The following PRKG1 variants were observed in gnomAD, a reference collection of about 807,000 sequenced individuals.
PRKG1 encodes protein kinase cGMP-dependent 1.
PRKG1 carries 35 observed loss-of-function variants against 88.1 expected under a neutral mutation model. That is an observed-to-expected ratio of 0.40 (90% CI 0.30 to 0.53). The LOEUF is 0.53. PRKG1 is among the 20% of genes least tolerant of loss of function. The pLI, the probability that PRKG1 is intolerant of heterozygous loss-of-function variation, is 0.59. For synonymous variants in PRKG1, 303 were observed against 292.5 expected, an observed-to-expected ratio of 1.04 and a Z score of -0.37; for missense variants, 540 against 839.8, an observed-to-expected ratio of 0.64 and a Z score of 4.41.
chr10:51,259,835 C>G (rs753378163), intron 2 of PRKG1, among the ~76,000 whole-genome samples: 2 of 151,902 alleles, frequency 1.3e-5, no homozygotes, highest in Non-Finnish European at 2.9e-5. Flanking sequence ...ATAGCCAGGC[C>G]CCATATGGAG....
chr10:51,126,645 G>A (rs376329176), intron 1 of PRKG1, among the ~76,000 whole-genome samples: 47 of 151,662 alleles, frequency 3.1e-4, no homozygotes, highest in African/African-American at 1.1e-3. Flanking sequence ...ACCCAAAAGA[G>A]CCCATATAGC....
intron 2 of PRKG1, among the ~76,000 whole-genome samples, chr10:51,329,729 T>TTTTG (rs1309939099): frequency 1.1e-4 from 16 of 152,242 alleles, no homozygotes; most frequent in Non-Finnish European, 1.6e-4. Context: ...TTTTTTGTTT[T>TTTTG]TTTGTTTGTT....
intron 3 of PRKG1, among the ~76,000 whole-genome samples, chr10:51,573,817 C>A (rs1195617698): frequency 6.6e-6 from 1 of 151,786 alleles, no homozygotes; most frequent in Non-Finnish European, 1.5e-5. Flanking sequence ...GCACCCGTGC[C>A]AGTTTAAAAG....
At chr10:51,196,546 G>T (rs1238342574) in intron 2 of PRKG1, among the ~76,000 whole-genome samples, 1 of 152,132 alleles carries the variant, frequency 6.6e-6, no homozygotes, top group African/African-American at 2.4e-5. Flanking sequence ...CATGTTAATT[G>T]CTTAGAACAT....
At chr10:51,374,828 C>T (rs74700503) in intron 2 of PRKG1, among the ~76,000 whole-genome samples, 4,050 of 152,278 alleles carry the variant, frequency 0.027, 158 homozygotes, top group African/African-American at 0.089. Flanking sequence ...TGCTTCTAAG[C>T]TCACGTGAGT....
chr10:51,084,178 C>T (rs1331739782), intron 1 of PRKG1, among the ~76,000 whole-genome samples: 4 of 152,094 alleles, frequency 2.6e-5, no homozygotes, highest in Admixed American at 1.3e-4. Flanking sequence ...AAAGTAAACA[C>T]TTTCATTATG....
intron 2 of PRKG1, among the ~76,000 whole-genome samples, chr10:51,195,371 T>G (rs1837736712): frequency 6.6e-6 from 1 of 152,212 alleles, no homozygotes; most frequent in Non-Finnish European, 1.5e-5. Context: ...CAGTTTTCAA[T>G]TTTTTAATTC....
intron 7 of PRKG1, among the ~76,000 whole-genome samples, chr10:52,097,735 G>A (rs921462826): frequency 1.3e-4 from 19 of 148,204 alleles, no homozygotes; most frequent in East Asian, 5.9e-4. Flanking sequence ...ATTATTTTGC[G>A]AATGGTGTGG....
intron 5 of PRKG1, among the ~76,000 whole-genome samples, chr10:52,022,667 G>A (rs1008881329): frequency 1.3e-5 from 2 of 152,070 alleles, no homozygotes; most frequent in African/African-American, 4.8e-5. Context: ...TAGCTCATCT[G>A]AAAATAATAT....
intron 3 of PRKG1, among the ~76,000 whole-genome samples, chr10:51,551,481 G>A (rs1044533064): frequency 6.6e-5 from 10 of 151,752 alleles, no homozygotes; most frequent in Non-Finnish European, 1.0e-4. Context: ...TTCATAAACA[G>A]ATTTTAAGAA....
intron 9 of PRKG1, among the ~76,000 whole-genome samples, chr10:52,227,835 A>C (rs1394323764): frequency 1.3e-5 from 2 of 152,164 alleles, no homozygotes; most frequent in Non-Finnish European, 2.9e-5. Flanking sequence ...ACATGTGCCC[A>C]GTTATATTAT....
chr10:51,430,037 G>A (rs528458318), intron 2 of PRKG1, among the ~76,000 whole-genome samples: 32 of 151,580 alleles, frequency 2.1e-4, no homozygotes, highest in African/African-American at 6.8e-4. Flanking sequence ...ACTCAGAGTG[G>A]AATAGACAGA....
At chr10:51,724,759 A>G (rs1204693804) in intron 3 of PRKG1, among the ~76,000 whole-genome samples, 1 of 151,930 alleles carries the variant, frequency 6.6e-6, no homozygotes, top group Non-Finnish European at 1.5e-5. Flanking sequence ...CGGTGGCACT[A>G]TCACAACTCA....
intron 3 of PRKG1, among the ~76,000 whole-genome samples, chr10:51,599,341 T>C (rs895172004): frequency 6.6e-6 from 1 of 152,144 alleles, no homozygotes; most frequent in Non-Finnish European, 1.5e-5. Flanking sequence ...CAACAAAGAA[T>C]TGACTAATCC....
At position 51,669,029 on chromosome 10, in the gene PRKG1, T is replaced by C. The variant is rs902977855; in HGVS notation, c.593-135556T>C. On this transcript the variant is annotated intron_variant, in intron 3 of 17. Transcript: ENST00000373980. ...ATATATATTTATTTAATCTGAGCTG[T>C]TCACGCTAATTCGCCATCCCAATTT... Among the ~76,000 whole-genome samples the C allele has an allele frequency of 1.1e-4, 16 of 152,346 alleles. No homozygotes were observed. In the East Asian group the frequency reaches 2.9e-3, roughly 28 times the overall value.
chr10:51,725,028 C>G (rs1003681746), intron 3 of PRKG1, among the ~76,000 whole-genome samples: 10 of 151,904 alleles, frequency 6.6e-5, no homozygotes, highest in African/African-American at 2.2e-4. Context: ...GTTTTAATGA[C>G]TGGAAAAAAT....
At chr10:51,952,721 A>T (rs1177424899) in intron 5 of PRKG1, among the ~76,000 whole-genome samples, 1 of 152,176 alleles carries the variant, frequency 6.6e-6, no homozygotes, top group Non-Finnish European at 1.5e-5. Flanking sequence ...GGACATGAAT[A>T]TGAGTTCCAA....
At chr10:52,087,492 A>G (rs1846945909) in intron 7 of PRKG1, among the ~76,000 whole-genome samples, 1 of 152,048 alleles carries the variant, frequency 6.6e-6, no homozygotes, top group African/African-American at 2.4e-5. Flanking sequence ...TTCCTCATGC[A>G]CAAATTTGTT....
chr10:51,407,558 A>G (rs151023651), intron 2 of PRKG1, among the ~76,000 whole-genome samples: 54 of 152,376 alleles, frequency 3.5e-4, no homozygotes, highest in Non-Finnish European at 5.6e-4. Context: ...TCTGCAACTC[A>G]TCACGTGGTT....
Sources: allele counts gnomAD v4.1 joint callset (sites outside exome capture counted in the v4.1 genomes callset), GRCh38; gene constraint gnomAD v4.1.1; transcripts MANE v1.5; gene names NCBI Gene and HGNC (gene_info 2026-07-23, HGNC 2026-07-21).